The following VAV2 variants were observed in gnomAD, a reference collection of about 807,000 sequenced individuals.
VAV2 encodes vav guanine nucleotide exchange factor 2.
Under a neutral mutation model 132.5 loss-of-function variants are expected in VAV2, and 67 were observed. The ratio of observed to expected loss-of-function variants is 0.51; its 90% CI spans 0.42 to 0.62. The LOEUF is 0.62. Ranked by LOEUF, VAV2 falls within the 20% of genes least tolerant of loss-of-function variation. The pLI is 0.00. For synonymous variants in VAV2, 492 were observed against 443.5 expected (o/e 1.11, Z -1.37); for missense variants, 938 against 1,153.6 (o/e 0.81, Z 2.71).
chr9:133,831,580 T>C (rs1290176345), intron 4 of VAV2, among the ~76,000 whole-genome samples: 2 of 152,238 alleles, frequency 1.3e-5, no homozygotes, highest in African/African-American at 2.4e-5. Context: ...GTTCAGGAAG[T>C]GTCCTGGGCT....
intron 22 of VAV2, among the ~76,000 whole-genome samples, chr9:133,778,248 C>T (rs1057232506): frequency 3.9e-5 from 6 of 152,182 alleles, no homozygotes; most frequent in African/African-American, 1.2e-4. Context: ...CAGAGCAGCA[C>T]ATTCCTGGCT....
chr9:133,897,011 G>A (rs965790279), intron 2 of VAV2, among the ~76,000 whole-genome samples: 7 of 151,932 alleles, frequency 4.6e-5, no homozygotes, highest in South Asian at 2.1e-4. Flanking sequence ...GGAGAATGGT[G>A]TGAACCCGGG....
chr9:133,792,306 G>T (rs576565239), intron 12 of VAV2, among the ~76,000 whole-genome samples: 54 of 115,368 alleles, frequency 4.7e-4, no homozygotes, highest in African/African-American at 1.5e-3. Flanking sequence ...GCTGGGTGGG[G>T]TATGTGTGTG....
chr9:133,962,071 A>C (rs1311400983), intron 1 of VAV2, among the ~76,000 whole-genome samples: 1 of 152,198 alleles, frequency 6.6e-6, no homozygotes, highest in Non-Finnish European at 1.5e-5. Context: ...CAGCTGGCTC[A>C]GCACTGGGGG....
intron 1 of VAV2, among the ~76,000 whole-genome samples, chr9:133,944,083 C>A (rs374151966): frequency 2.4e-4 from 37 of 152,340 alleles, no homozygotes; most frequent in African/African-American, 7.9e-4. Flanking sequence ...TGGCAAGCTT[C>A]ACCGGCCAAG....
In VAV2 at chr9:133,783,518, G is replaced by T. The variant is rs374011637; in HGVS notation, c.1708C>A (p.Pro570Thr). The T allele has an allele frequency of 1.2e-5, 19 of 1,613,758 alleles. No individual in the cohort carries two copies. In the African/African-American group the frequency reaches 2.5e-4, roughly 22 times the overall value. Reference sequence around the variant, plus strand: ...GGGTACTCACTGAACTTGCAGGGAGGTATCACTTCCAGGCACTCCTTGTGT... The same window carrying T: ...GGGTACTCACTGAACTTGCAGGGAGTTATCACTTCCAGGCACTCCTTGTGT... ...GAHKECLEVI[P>T]PCKFTSPADL... The change falls in exon 19 of 30, where the codon CCT (proline) becomes ACT (threonine). Residue 570 changes from proline to threonine, a missense_variant. Physicochemically the swap from Pro to Thr is conservative, Grantham distance 38 (BLOSUM62 -1). Coordinates refer to ENST00000371850, the MANE Select transcript of VAV2 (RefSeq NM_001134398.2).
At chr9:133,925,406 CG>C (rs1343753062) in intron 2 of VAV2, among the ~76,000 whole-genome samples, 3 of 152,096 alleles carry the variant, frequency 2.0e-5, no homozygotes, top group Non-Finnish European at 4.4e-5. Flanking sequence ...TTAGTACAGA[CG>C]GGGTTTCACC....
chr9:133,919,116 T>C lies in VAV2; in HGVS notation c.321+19987A>G, dbSNP rs987800568. Among the ~76,000 whole-genome samples the C allele has an allele frequency of 2.6e-5, 4 of 152,052 alleles. No homozygotes were observed. Among genetic ancestry groups the C allele is most frequent in the African/African-American group, 9.7e-5 (4 of 41,382 alleles). ...ACTTCCCCACATCCCATCCTCACACTTTCTTCACTGACCTAGCTCCGCCCT... is the reference window on the plus strand; with the variant it reads ...ACTTCCCCACATCCCATCCTCACACCTTCTTCACTGACCTAGCTCCGCCCT... On this transcript the variant is annotated intron_variant, in intron 2 of 29. Coordinates refer to ENST00000371850, the MANE Select transcript of VAV2 (RefSeq NM_001134398.2). This position sits in a 1 kb window ranked among gnomAD's most constrained non-coding sequence, Gnocchi z 5.8.
chr9:133,872,130 T>A (rs765219053), intron 2 of VAV2, among the ~76,000 whole-genome samples: 3 of 152,104 alleles, frequency 2.0e-5, no homozygotes, highest in Non-Finnish European at 4.4e-5. Context: ...AGAGATGGCA[T>A]AGCTGTGAAC....
In VAV2 at chr9:133,973,520, C is replaced by A. The variant is rs929765868; in HGVS notation, c.204+18555G>T. On this transcript the variant is annotated intron_variant, in intron 1 of 29. Coordinates refer to ENST00000371850, the MANE Select transcript of VAV2 (RefSeq NM_001134398.2). ...CCGGAAGGCCATCTGCAAAGGGCAG[C>A]GGTGCAGAAAACCACTCCCAGAGAG... Among the ~76,000 whole-genome samples, 4 of 152,298 alleles carry A rather than the reference C, an allele frequency of 2.6e-5. No individual in the cohort carries two copies. The South Asian group carries it at 6.2e-4, about 24-fold the overall frequency.
chr9:133,817,210 CT>C (rs1835592695), intron 4 of VAV2, among the ~76,000 whole-genome samples: 1 of 152,198 alleles, frequency 6.6e-6, no homozygotes, highest in Admixed American at 6.5e-5. Context: ...AGAATTGGGC[CT>C]TTTCTTTTTC....
chr9:133,849,885 G>A (rs1426540491), intron 3 of VAV2, among the ~76,000 whole-genome samples: 1 of 152,200 alleles, frequency 6.6e-6, no homozygotes, highest in Non-Finnish European at 1.5e-5. Flanking sequence ...ATCTCATCTA[G>A]AGGACCCTAC....
intron 1 of VAV2, among the ~76,000 whole-genome samples, chr9:133,972,171 T>C (rs1842357226): frequency 6.6e-6 from 1 of 152,158 alleles, no homozygotes; most frequent in African/African-American, 2.4e-5. Flanking sequence ...AGCCAACCCA[T>C]AAAACACACA....
intron 12 of VAV2, among the ~76,000 whole-genome samples, chr9:133,793,320 G>GGCCAGAGCCAGA (rs982127651): frequency 6.6e-6 from 1 of 151,858 alleles, no homozygotes; most frequent in Non-Finnish European, 1.5e-5. Flanking sequence ...GACCAGCCAG[G>GGCCAGAGCCAGA]GCCAGAGCCA....
Position 133,763,864 on chromosome 9 carries a change from CAGTGA to C in VAV2, c.*193_*197del. ...TTTCCTCTATGTACAATAGCATACC[CAGTGA>C]TGGGTCGCCGAGGGCAGGCTGACAG... On this transcript the variant is annotated 3_prime_UTR_variant, in exon 30 of 30. Coordinates refer to ENST00000371850, the MANE Select transcript of VAV2 (RefSeq NM_001134398.2). The surrounding 1 kb of genome is among the most constrained non-coding windows in gnomAD (Gnocchi z 6.8). 9.3e-6 allele frequency: 6 copies of C among 643,012 alleles called. No homozygotes were observed. Among genetic ancestry groups the C allele is most frequent in the Non-Finnish European group, 1.6e-5 (6 of 369,742 alleles). 39.8% of individuals were successfully genotyped at this position (643,012 alleles called of 1,614,324 possible).
chr9:133,817,565 A>T (rs547537331), intron 4 of VAV2, among the ~76,000 whole-genome samples: 1 of 152,212 alleles, frequency 6.6e-6, no homozygotes, highest in East Asian at 1.9e-4. Context: ...CTGAGATTGC[A>T]CCACTGCACT....
intron 2 of VAV2, among the ~76,000 whole-genome samples, chr9:133,888,026 C>G (rs72762877): frequency 0.071 from 10,851 of 152,286 alleles, 489 homozygotes; most frequent in South Asian, 0.1. Flanking sequence ...TAGACCCTGC[C>G]CAGGAGCACC....
At chr9:133,860,998 T>C (rs754988239) in intron 3 of VAV2, among the ~76,000 whole-genome samples, 14 of 152,200 alleles carry the variant, frequency 9.2e-5, no homozygotes, top group Non-Finnish European at 1.9e-4. Context: ...TCCACCATGC[T>C]CCGGCGCCAT....
intron 4 of VAV2, among the ~76,000 whole-genome samples, chr9:133,820,846 G>A (rs1564378191): frequency 6.6e-6 from 1 of 152,216 alleles, no homozygotes. Context: ...GCAGTGACAG[G>A]GCAGGAGGGT....
Sources: allele counts gnomAD v4.1 joint callset (sites outside exome capture counted in the v4.1 genomes callset), GRCh38; gene constraint gnomAD v4.1.1; non-coding constraint Gnocchi (gnomAD v3.1); transcripts MANE v1.5; gene names NCBI Gene and HGNC (gene_info 2026-07-23, HGNC 2026-07-21).